Variants in RPS6KA2 observed in about 807,000 individuals in gnomAD.
The protein encoded by RPS6KA2 is ribosomal protein S6 kinase alpha-2.
Under a neutral mutation model 91.8 loss-of-function variants are expected in RPS6KA2, and 42 were observed. The ratio of observed to expected loss-of-function variants is 0.46; its 90% CI spans 0.36 to 0.59. RPS6KA2 has a LOEUF of 0.59. Among genes scored for constraint, RPS6KA2 ranks in the 20% least tolerant of loss-of-function variants. RPS6KA2 has a pLI of 0.00. For missense variants in RPS6KA2, 798 were observed against 978.5 expected, an observed-to-expected ratio of 0.82 and a Z score of 2.46; for synonymous variants, 414 against 393.6, an observed-to-expected ratio of 1.05 and a Z score of -0.61.
chr6:166,518,888 G>A (rs1047341407), intron 3 of RPS6KA2, among the ~76,000 whole-genome samples: 1 of 152,222 alleles, frequency 6.6e-6, no homozygotes, highest in East Asian at 1.9e-4. Flanking sequence ...TAGGGAAGAT[G>A]TTCAGGTCTG....
intron 3 of RPS6KA2, among the ~76,000 whole-genome samples, chr6:166,529,013 C>A (rs542767053): frequency 6.6e-6 from 1 of 152,148 alleles, no homozygotes; most frequent in East Asian, 1.9e-4. Flanking sequence ...GACAGTGTGG[C>A]GATTCCTCAA....
At chr6:166,686,327 C>G (rs1789014288) in intron 2 of RPS6KA2, among the ~76,000 whole-genome samples, 1 of 152,128 alleles carries the variant, frequency 6.6e-6, no homozygotes, top group Non-Finnish European at 1.5e-5. Context: ...ACCCTCTGGC[C>G]CAGGGTTATC....
chr6:166,588,810 G>A (rs948599063), intron 1 of RPS6KA2, among the ~76,000 whole-genome samples: 1 of 152,184 alleles, frequency 6.6e-6, no homozygotes, highest in African/African-American at 2.4e-5. Context: ...GACAGACAGG[G>A]TGCGGCAGCC....
At chr6:166,765,369 C>T (rs1778283107) in intron 2 of RPS6KA2, among the ~76,000 whole-genome samples, 1 of 152,212 alleles carries the variant, frequency 6.6e-6, no homozygotes. Flanking sequence ...GCCACGAGCA[C>T]AGCCAGCCCT....
chr6:166,580,068 T>C (rs1178952327), intron 1 of RPS6KA2, among the ~76,000 whole-genome samples: 2 of 152,248 alleles, frequency 1.3e-5, no homozygotes, highest in Non-Finnish European at 2.9e-5. Context: ...GTTCTGGAGT[T>C]GTTGCCCCCA....
At chr6:166,496,787 C>G (rs545170104) in intron 8 of RPS6KA2, among the ~76,000 whole-genome samples, 1 of 152,216 alleles carries the variant, frequency 6.6e-6, no homozygotes, top group Non-Finnish European at 1.5e-5. Flanking sequence ...GTGGCCAGCC[C>G]TGCTCTCTGG....
intron 2 of RPS6KA2, among the ~76,000 whole-genome samples, chr6:166,749,780 C>G (rs1791218435): frequency 7.0e-6 from 1 of 143,376 alleles, no homozygotes; most frequent in Non-Finnish European, 1.5e-5. Flanking sequence ...CCCATTTCCT[C>G]AGGTCCCCAT....
At position 166,433,243 on chromosome 6, in the gene RPS6KA2, G is replaced by A. The variant is rs574974089; in HGVS notation, c.1333-753C>T. ...GCTCTCACCAAGAGATGCTGGGGAT[G>A]GTGCGCAGGCCAGACCTGCCTTGCT... On this transcript the variant is annotated intron_variant, in intron 14 of 20. Transcript: ENST00000265678. The surrounding 1 kb of genome is among the most constrained non-coding windows in gnomAD (Gnocchi z 4.4). Among the ~76,000 whole-genome samples the A allele has an allele frequency of 5.3e-5, 8 of 152,274 alleles. No individual in the cohort carries two copies. In the South Asian group the frequency reaches 1.7e-3, roughly 32 times the overall value.
rs1381974951 is a variant in RPS6KA2 at position 166,767,949 on chromosome 6, C to A, written c.123+90251G>T. 6.6e-6 allele frequency among the ~76,000 whole-genome samples: 1 copy of A among 152,126 alleles called. No homozygotes were observed. Among genetic ancestry groups the A allele is most frequent in the Non-Finnish European group, 1.5e-5 (1 of 68,038 alleles). On this transcript the variant is annotated intron_variant, in intron 2 of 21. Transcript: ENST00000503859. The surrounding 1 kb of genome is among the most constrained non-coding windows in gnomAD (Gnocchi z 4.6). The stretch of plus-strand genomic sequence containing the variant: ...CGACTGTGGAGTCTGCCTCTGTGTC[C>A]CCACATGTAAAATCGCTACCTTGGC...
Position 166,761,854 on chromosome 6 carries a change from G to T in RPS6KA2, c.123+96346C>A, listed in dbSNP as rs141335734. Among the ~76,000 whole-genome samples, 34 of 152,226 alleles carry T rather than the reference G, an allele frequency of 2.2e-4. 1 individual carries two copies. In the East Asian group the frequency reaches 3.9e-3, roughly 17 times the overall value. On this transcript the variant is annotated intron_variant, in intron 2 of 21. Coordinates refer to the RPS6KA2 transcript ENST00000503859. ...TGGAGTGGAAGGGAAGTGTCTCCTC[G>T]CATTTGAGGCAGCGTTGAAGGCGCA...
At chr6:166,779,952 C>T (rs1052478710) in intron 2 of RPS6KA2, among the ~76,000 whole-genome samples, 6 of 152,148 alleles carry the variant, frequency 3.9e-5, no homozygotes, top group South Asian at 2.1e-4. Flanking sequence ...TTTTTTTGAA[C>T]TCATCCCAAG....
At chr6:166,560,713 G>A (rs1022394579) in intron 1 of RPS6KA2, among the ~76,000 whole-genome samples, 3 of 152,116 alleles carry the variant, frequency 2.0e-5, no homozygotes, top group African/African-American at 4.8e-5. Flanking sequence ...TGGAGGGGGT[G>A]GCCTGGGCAG....
At chr6:166,539,162 C>G (rs759088514) in intron 1 of RPS6KA2, among the ~76,000 whole-genome samples, 1 of 152,190 alleles carries the variant, frequency 6.6e-6, no homozygotes, top group African/African-American at 2.4e-5. Flanking sequence ...TCGCGATCCA[C>G]CTGCCTCGGC....
At chr6:166,671,501 C>T (rs568740020) in intron 2 of RPS6KA2, among the ~76,000 whole-genome samples, 2 of 152,214 alleles carry the variant, frequency 1.3e-5, no homozygotes, top group African/African-American at 4.8e-5. Context: ...GGGAGCCGCT[C>T]CACCACACGA....
intron 14 of RPS6KA2, 49 bp from the exon 15 acceptor site, chr6:166,432,539 G>C: frequency 8.4e-7 from 1 of 1,197,204 alleles, no homozygotes; most frequent in African/African-American, 1.5e-5. Context: ...TTAGGCTTTC[G>C]GGTGGTATCT....
chr6:166,613,675 T>C lies in RPS6KA2; in HGVS notation c.99+13246A>G, dbSNP rs540058498. Among the ~76,000 whole-genome samples the C allele has an allele frequency of 2.7e-3, 413 of 152,344 alleles. 3 individuals carry two copies. Among genetic ancestry groups the C allele is most frequent in the African/African-American group, 9.6e-3 (399 of 41,580 alleles). On this transcript the variant is annotated intron_variant, in intron 1 of 20. Transcript: ENST00000265678. ...CTTCTCTGCCAGCCTTCAATCTAAT[T>C]GCACGCATCACCCAAAGGATCCTTT...
chr6:166,476,925 G>A (rs1195545929), intron 10 of RPS6KA2, among the ~76,000 whole-genome samples: 3 of 152,114 alleles, frequency 2.0e-5, no homozygotes, highest in South Asian at 2.1e-4. Flanking sequence ...GGGTTAGAAC[G>A]AGGCCTCTAA....
In RPS6KA2 at chr6:166,445,802, C is replaced by T. The variant is rs2281062; in HGVS notation, c.1332+2922G>A. Reference sequence around the variant, plus strand: ...TCCATGAGCCAGGGGTAGGTGGGATCGTATACGGCTCAAGCGGCAACTGGG... The same window carrying T: ...TCCATGAGCCAGGGGTAGGTGGGATTGTATACGGCTCAAGCGGCAACTGGG... On this transcript the variant is annotated intron_variant, in intron 14 of 20. Coordinates refer to ENST00000265678, the MANE Select transcript of RPS6KA2 (RefSeq NM_021135.6). The surrounding 1 kb of genome is among the most constrained non-coding windows in gnomAD (Gnocchi z 4.5). Among the ~76,000 whole-genome samples the T allele has an allele frequency of 0.18, 26,633 of 152,118 alleles. 5,362 individuals are homozygous for T. Among genetic ancestry groups the T allele is most frequent in the African/African-American group, 0.49 (20,441 of 41,456 alleles).
rs189488928 is a variant in RPS6KA2, at chr6:166,732,234, C to T, written c.123+125966G>A. Among the ~76,000 whole-genome samples the T allele has an allele frequency of 1.9e-3, 292 of 152,256 alleles. 2 individuals are homozygous for T. Among genetic ancestry groups the T allele is most frequent in the African/African-American group, 5.9e-3 (246 of 41,534 alleles). On this transcript the variant is annotated intron_variant, in intron 2 of 21. Transcript: ENST00000503859. This position sits in a 1 kb window ranked among gnomAD's most constrained non-coding sequence, Gnocchi z 4.0. ...AACCTGGCATCTGTTAAAGTCTTCC[C>T]GCACTTCTGTATAGCTTCATGATTC...
Sources: gnomAD v4.1 joint callset for allele counts (sites outside exome capture counted in the v4.1 genomes callset) on GRCh38, gnomAD v4.1.1 for gene constraint, Gnocchi (gnomAD v3.1) non-coding constraint, MANE v1.5 for transcripts, NCBI Gene and HGNC (gene_info 2026-07-23, HGNC 2026-07-21) for gene names.